Variants in CLSTN2 observed in about 807,000 individuals in gnomAD.
The protein encoded by CLSTN2 is calsyntenin-2.
A neutral mutation model predicts 101.2 loss-of-function variants in CLSTN2; 48 were observed. That is an observed-to-expected ratio of 0.47 (90% CI 0.38 to 0.60). The LOEUF is 0.60. CLSTN2 is among the 20% of genes least tolerant of loss of function. The pLI, the probability that CLSTN2 is intolerant of heterozygous loss-of-function variation, is 0.00. For synonymous variants in CLSTN2, 481 were observed against 463.6 expected, an observed-to-expected ratio of 1.04 and a Z score of -0.48; for missense variants, 1,160 against 1,238.2, an observed-to-expected ratio of 0.94 and a Z score of 0.95.
chr3:140,224,477 C>T (rs1296894929), intron 2 of CLSTN2, among the ~76,000 whole-genome samples: 2 of 152,118 alleles, frequency 1.3e-5, no homozygotes, highest in African/African-American at 4.8e-5. Flanking sequence ...TAATGAGGAG[C>T]CCTGCCAGCA....
At chr3:140,284,762 G>A (rs764373997) in intron 2 of CLSTN2, among the ~76,000 whole-genome samples, 1 of 151,990 alleles carries the variant, frequency 6.6e-6, no homozygotes, top group Non-Finnish European at 1.5e-5. Flanking sequence ...GCATTTGCTG[G>A]GTTGGCAGAA....
At chr3:140,212,523 A>G (rs948707285) in intron 2 of CLSTN2, among the ~76,000 whole-genome samples, 2 of 152,232 alleles carry the variant, frequency 1.3e-5, no homozygotes, top group Admixed American at 6.5e-5. Context: ...AAAGCCTCTC[A>G]GCCTTTAGCT....
At chr3:140,111,951 GTCTGCAAAAATGGGCT>G (rs1437425804) in intron 1 of CLSTN2, among the ~76,000 whole-genome samples, 1 of 152,116 alleles carries the variant, frequency 6.6e-6, no homozygotes, top group Non-Finnish European at 1.5e-5. Context: ...ACAGCCAGTG[GTCTGCAAAAATGGGCT>G]TCAAATCCAC....
chr3:139,965,083 C>T (rs1320630525), intron 1 of CLSTN2, among the ~76,000 whole-genome samples: 1 of 152,172 alleles, frequency 6.6e-6, no homozygotes, highest in Non-Finnish European at 1.5e-5. Flanking sequence ...TTTCATGCCA[C>T]CCTCTCTTGG....
At chr3:140,531,646 C>T (rs1293908402) in intron 8 of CLSTN2, among the ~76,000 whole-genome samples, 2 of 152,122 alleles carry the variant, frequency 1.3e-5, no homozygotes, top group Admixed American at 6.5e-5. Context: ...GGGGTGGCAT[C>T]GTTCTCTAGT....
intron 2 of CLSTN2, among the ~76,000 whole-genome samples, chr3:140,329,109 G>A (rs7631243): frequency 0.43 from 65,005 of 152,032 alleles, 14,731 homozygotes; most frequent in Non-Finnish European, 0.51. Context: ...CCTGTTGGCC[G>A]GGCATGGTGG....
At chr3:140,136,977 T>C (rs2009624941) in intron 1 of CLSTN2, among the ~76,000 whole-genome samples, 1 of 152,224 alleles carries the variant, frequency 6.6e-6, no homozygotes, top group Non-Finnish European at 1.5e-5. Flanking sequence ...TTTGATACTG[T>C]ATGGTTATTT....
chr3:139,977,324 C>T (rs1298379192), intron 1 of CLSTN2, among the ~76,000 whole-genome samples: 1 of 151,994 alleles, frequency 6.6e-6, no homozygotes, highest in Non-Finnish European at 1.5e-5. Context: ...AGGAGAGGCC[C>T]CAGAGAAAAG....
At chr3:140,068,521 G>A (rs1256709057) in intron 1 of CLSTN2, among the ~76,000 whole-genome samples, 1 of 152,166 alleles carries the variant, frequency 6.6e-6, no homozygotes, top group Non-Finnish European at 1.5e-5. Flanking sequence ...GCATTCAATA[G>A]CAATGTGTTT....
At chr3:140,506,735 A>C (rs574460784) in intron 8 of CLSTN2, 1 of 152,270 alleles carries the variant, frequency 6.6e-6, no homozygotes, top group East Asian at 1.9e-4. Flanking sequence ...CCCATAGGAG[A>C]GCCATTAGTC....
chr3:140,028,486 G>A (rs907018356), intron 1 of CLSTN2, among the ~76,000 whole-genome samples: 9 of 152,122 alleles, frequency 5.9e-5, no homozygotes, highest in Non-Finnish European at 1.3e-4. Context: ...GAGAGGAAAG[G>A]AAGGGCTCCC....
At chr3:140,126,324 A>G (rs78489546) in intron 1 of CLSTN2, among the ~76,000 whole-genome samples, 2,731 of 152,204 alleles carry the variant, frequency 0.018, 91 homozygotes, top group African/African-American at 0.063. Context: ...GTATGCTTCA[A>G]AAGAGCTGGA....
intron 1 of CLSTN2, among the ~76,000 whole-genome samples, chr3:140,041,991 A>G (rs1298351474): frequency 2.0e-5 from 3 of 152,214 alleles, no homozygotes; most frequent in Admixed American, 1.3e-4. Context: ...TAATGGCTGT[A>G]TAATATATAT....
chr3:139,987,557 A>G (rs9845526), intron 1 of CLSTN2, among the ~76,000 whole-genome samples: 49,877 of 152,076 alleles, frequency 0.33, 10,111 homozygotes, highest in Non-Finnish European at 0.46. Context: ...CCATCGGCTT[A>G]GAGCTTATAT....
At chr3:140,315,763 C>G (rs912710964) in intron 2 of CLSTN2, among the ~76,000 whole-genome samples, 11 of 152,188 alleles carry the variant, frequency 7.2e-5, no homozygotes, top group African/African-American at 2.7e-4. Context: ...GAGCAAAAGT[C>G]CTAATCAGAG....
chr3:140,485,673 G>A (rs562358730), intron 8 of CLSTN2, among the ~76,000 whole-genome samples: 1 of 152,198 alleles, frequency 6.6e-6, no homozygotes, highest in African/African-American at 2.4e-5. Context: ...CCCTCCCCCA[G>A]CCTCACTGCT....
intron 1 of CLSTN2, among the ~76,000 whole-genome samples, chr3:140,012,269 T>G (rs1435142458): frequency 2.6e-5 from 4 of 151,894 alleles, no homozygotes; most frequent in Non-Finnish European, 5.9e-5. Flanking sequence ...TAAGAAGCTG[T>G]GTGTATGAAA....
At chr3:140,536,471 C>A (rs1019390598) in intron 9 of CLSTN2, among the ~76,000 whole-genome samples, 1 of 152,120 alleles carries the variant, frequency 6.6e-6, no homozygotes, top group Admixed American at 6.5e-5. Context: ...CATGCACTGA[C>A]TTTTTTCTCC....
At chr3:140,480,276 C>G (rs1263268136) in intron 8 of CLSTN2, among the ~76,000 whole-genome samples, 2 of 152,164 alleles carry the variant, frequency 1.3e-5, no homozygotes, top group Non-Finnish European at 2.9e-5. Context: ...GACATGAACT[C>G]ATCATTTTTT....
Sources: gnomAD v4.1 joint callset for allele counts (sites outside exome capture counted in the v4.1 genomes callset) on GRCh38, gnomAD v4.1.1 for gene constraint, MANE v1.5 for transcripts, NCBI Gene and HGNC (gene_info 2026-07-23, HGNC 2026-07-21) for gene names.